EP400: variants seen among roughly 807,000 people sequenced by gnomAD.
EP400 encodes E1A-binding protein p400.
Under a neutral mutation model 354.1 loss-of-function variants are expected in EP400, and 105 were observed. That is an observed-to-expected ratio of 0.30 (90% CI 0.25 to 0.35). EP400 has a LOEUF of 0.35. Ranked by LOEUF, EP400 falls within the 10% of genes least tolerant of loss-of-function variation. EP400 has a pLI of 1.00. For missense variants in EP400, 3,280 were observed against 4,121.0 expected (o/e 0.80, Z 5.59); for synonymous variants, 1,646 against 1,716.9 (o/e 0.96, Z 1.02).
In EP400 at chr12:132,005,192, C is replaced by G. The variant is rs779128205; in HGVS notation, c.2935+8C>G. On this transcript the variant is annotated splice_region_variant and intron_variant, in intron 13 of 52. Coordinates refer to ENST00000389561, the MANE Select transcript of EP400 (RefSeq NM_015409.5). ...ACACAAGCGGAGAGGAAGGTGCGCT[C>G]CCAGCCTTTGGAAGAATTCAGGGTT... 2 of 1,554,580 alleles carry G rather than the reference C, an allele frequency of 1.3e-6. No individual in the cohort carries two copies. Among genetic ancestry groups the G allele is most frequent in the South Asian group, 1.2e-5 (1 of 84,202 alleles).
At chr12:132,039,288 T>C (rs528286754) in intron 32 of EP400, among the ~76,000 whole-genome samples, 80 of 152,344 alleles carry the variant, frequency 5.3e-4, no homozygotes, top group Non-Finnish European at 9.1e-4. Flanking sequence ...TTTATTTCGC[T>C]GGTGATTCTG....
At chr12:132,071,382 C>T (rs553059361) in intron 51 of EP400, among the ~76,000 whole-genome samples, 22 of 152,252 alleles carry the variant, frequency 1.4e-4, no homozygotes, top group Middle Eastern at 3.4e-3. Context: ...GATGTCTGAT[C>T]CCTCAGGCCT....
intron 2 of EP400, among the ~76,000 whole-genome samples, chr12:131,973,775 C>T (rs370977338): frequency 6.6e-6 from 1 of 152,254 alleles, no homozygotes; most frequent in African/African-American, 2.4e-5. Context: ...GTGTATTTCT[C>T]TTTGTTTCCA....
At chr12:132,030,303 A>G in intron 29 of EP400, 145 bp downstream of exon 29, 1 of 964,860 alleles carries the variant, frequency 1.0e-6, no homozygotes, top group Non-Finnish European at 1.5e-6. Context: ...TAAAGTCTCA[A>G]TCCATCCTTC....
At chr12:131,960,125 G>A (rs868178862) in intron 1 of EP400, among the ~76,000 whole-genome samples, 2 of 152,214 alleles carry the variant, frequency 1.3e-5, no homozygotes, top group East Asian at 1.9e-4. Flanking sequence ...GGCGGAAGCC[G>A]GAAAGTCCAC....
chr12:131,960,154 A>G (rs533433041), intron 1 of EP400, among the ~76,000 whole-genome samples: 3 of 152,212 alleles, frequency 2.0e-5, no homozygotes, highest in Non-Finnish European at 4.4e-5. Flanking sequence ...TGTTGGCTTC[A>G]GACCTTGCTC....
At chr12:132,031,858 T>C in intron 29 of EP400, 95 bp from the exon 30 acceptor site, 1 of 1,345,924 alleles carries the variant, frequency 7.4e-7, no homozygotes. Context: ...CCCGGCCTGC[T>C]GTGGGATTAT....
intron 45 of EP400, 71 bp downstream of exon 45, chr12:132,055,279 T>C: frequency 1.6e-6 from 2 of 1,229,710 alleles, no homozygotes; most frequent in Non-Finnish European, 2.2e-6. Context: ...GTCTGTTAAT[T>C]CTTCTTCTTC....
intron 47 of EP400, among the ~76,000 whole-genome samples, chr12:132,064,153 C>T (rs943095368): frequency 6.6e-5 from 10 of 151,978 alleles, no homozygotes; most frequent in African/African-American, 1.7e-4. Flanking sequence ...GACACCAGTG[C>T]CGTCAACATC....
At chr12:131,967,668 C>G (rs1418377505) in intron 2 of EP400, among the ~76,000 whole-genome samples, 1 of 149,898 alleles carries the variant, frequency 6.7e-6, no homozygotes, top group Non-Finnish European at 1.5e-5. Flanking sequence ...CTAGCCTGGG[C>G]GACAGAGTGA....
At chr12:131,968,336 G>A (rs747337686) in intron 2 of EP400, among the ~76,000 whole-genome samples, 5 of 152,136 alleles carry the variant, frequency 3.3e-5, no homozygotes, top group Non-Finnish European at 5.9e-5. Flanking sequence ...TTGAACAGAC[G>A]ATCTATGTAT....
At chr12:131,981,683 G>A in intron 4 of EP400, 87 bp downstream of exon 4, 1 of 1,177,964 alleles carries the variant, frequency 8.5e-7, no homozygotes, top group Non-Finnish European at 1.2e-6. Flanking sequence ...TCAGACTTGG[G>A]CAGTGGAGGT....
At chr12:132,071,593 G>A (rs1370919031) in intron 51 of EP400, among the ~76,000 whole-genome samples, 1 of 152,084 alleles carries the variant, frequency 6.6e-6, no homozygotes, top group South Asian at 2.1e-4. Flanking sequence ...CTCCTCCTCC[G>A]CACCCTTCCC....
chr12:132,027,302 T>A lies in EP400; in HGVS notation c.5015-135T>A. The A allele has an allele frequency of 4.8e-6, 4 of 833,092 alleles. No homozygotes were observed. The highest frequency in any genetic ancestry group is 8.0e-6 in the Non-Finnish European group (4 of 501,450). 51.6% of individuals were successfully genotyped at this position (833,092 alleles called of 1,614,324 possible). A position where few individuals can be genotyped will look rare whatever the true frequency, so the allele number is the denominator to read the frequency against. On this transcript the variant is annotated intron_variant, in intron 25 of 52. Transcript: ENST00000389561. The surrounding 1 kb of genome is among the most constrained non-coding windows in gnomAD (Gnocchi z 4.9). ...CATGTGCTGGTGGAGGATGAGGACT[T>A]GGGGACATGCCGTTGCAGAATGACT...
At chr12:132,041,375 G>T (rs1312676437) in intron 32 of EP400, among the ~76,000 whole-genome samples, 1 of 152,246 alleles carries the variant, frequency 6.6e-6, no homozygotes, top group Non-Finnish European at 1.5e-5. Context: ...TGGAGGAGGA[G>T]GATGCGGCGG....
chr12:131,953,796 C>T (rs959689981), intron 1 of EP400, among the ~76,000 whole-genome samples: 2 of 152,028 alleles, frequency 1.3e-5, no homozygotes, highest in Admixed American at 6.6e-5. Flanking sequence ...TGAAAAATTT[C>T]AAAGATACAC....
Position 132,027,453 on chromosome 12 carries a change from C to T in EP400, c.5031C>T (p.Arg1677=), listed in dbSNP as rs140684353. 6.7e-5 allele frequency: 108 copies of T among 1,613,982 alleles called. No individual in the cohort carries two copies. Among genetic ancestry groups the T allele is most frequent in the Non-Finnish European group, 8.4e-5 (99 of 1,180,050 alleles). The change falls in exon 26 of 53, where the codon CGC becomes CGT. Residue 1677 remains arginine (R), a synonymous_variant. Transcript: ENST00000389561. The surrounding 1 kb of genome is among the most constrained non-coding windows in gnomAD (Gnocchi z 4.9). ...CATTTGTAGTTGGCGTTCCGGGCCG[C>T]GTGGCGGTGAATGCCTTGGCTGTAG... ...PLTPQVGVPG[R]VAVNALAVGE...
At chr12:132,009,877 G>T (rs1893707525) in intron 15 of EP400, among the ~76,000 whole-genome samples, 1 of 107,922 alleles carries the variant, frequency 9.3e-6, no homozygotes, top group Non-Finnish European at 1.7e-5. Context: ...GTCTTACTAT[G>T]TTACCCTGGC....
Position 131,986,544 on chromosome 12 carries a change from C to A in EP400, c.1960C>A (p.Pro654Thr), listed in dbSNP as rs956841662. The change falls in exon 6 of 53, where the codon CCT becomes ACT. Residue 654 changes from proline to threonine, a missense_variant. Coordinates refer to ENST00000389561, the MANE Select transcript of EP400 (RefSeq NM_015409.5). ...MVASTRLPVD[P>T]APPCPRPLPT... ...AGCATCGACAAGGCTCCCTGTGGAC[C>A]CTGCCCCGCCCTGCCCACGGCCTCT... The A allele has an allele frequency of 1.9e-6, 3 of 1,611,208 alleles. No individual in the cohort carries two copies. In the African/African-American group the frequency reaches 4.0e-5, roughly 22 times the overall value.
Sources: allele counts gnomAD v4.1 joint callset (sites outside exome capture counted in the v4.1 genomes callset), GRCh38; gene constraint gnomAD v4.1.1; non-coding constraint Gnocchi (gnomAD v3.1); transcripts MANE v1.5; gene names NCBI Gene and HGNC (gene_info 2026-07-23, HGNC 2026-07-21).